RBFOX1: variants seen among roughly 807,000 people sequenced by gnomAD.
The protein encoded by RBFOX1 is RNA binding fox-1 homolog 1.
RBFOX1 carries 8 observed loss-of-function variants against 57.7 expected under a neutral mutation model. That is an observed-to-expected ratio of 0.14 (90% CI 0.08 to 0.25). The LOEUF is 0.25. Among genes scored for constraint, RBFOX1 ranks in the 10% least tolerant of loss-of-function variants. The probability of loss-of-function intolerance (pLI) is 1.00; values close to 1 mark genes in which losing one functional copy is unlikely to be tolerated. For synonymous variants in RBFOX1, 326 were observed against 222.4 expected, an observed-to-expected ratio of 1.47 and a Z score of -4.15; for missense variants, 611 against 548.5, an observed-to-expected ratio of 1.11 and a Z score of -1.14.
At chr16:6,519,376 C>T (rs1299300482) in intron 2 of RBFOX1, among the ~76,000 whole-genome samples, 3 of 152,154 alleles carry the variant, frequency 2.0e-5, no homozygotes, top group South Asian at 2.1e-4. Flanking sequence ...TAGCCCTCCA[C>T]CTTGGGAAAA....
At chr16:5,810,584 C>T (rs2055386740) in intron 3 of RBFOX1, among the ~76,000 whole-genome samples, 1 of 152,180 alleles carries the variant, frequency 6.6e-6, no homozygotes, top group Non-Finnish European at 1.5e-5. Flanking sequence ...ATCATCACCT[C>T]CGTAATTTGA....
chr16:6,541,019 C>G (rs528424556), intron 2 of RBFOX1, among the ~76,000 whole-genome samples: 2 of 152,230 alleles, frequency 1.3e-5, no homozygotes, highest in African/African-American at 2.4e-5. Context: ...ATGAGTGAAT[C>G]AAGTTCTTAT....
In RBFOX1 at chr16:6,995,670, G is replaced by A. The variant is rs567304180; in HGVS notation, c.-15-56387G>A. 2.6e-5 allele frequency among the ~76,000 whole-genome samples: 4 copies of A among 152,210 alleles called. No individual in the cohort carries two copies. The East Asian group carries it at 5.8e-4, about 22-fold the overall frequency. ...AGCTACTCAGAAGGCTGAGGCAGGA[G>A]AATCACTTGAACCTGGGAGCACAGA... On this transcript the variant is annotated intron_variant, in intron 3 of 15. Transcript: ENST00000550418.
At chr16:6,837,534 A>G (rs957009944) in intron 3 of RBFOX1, among the ~76,000 whole-genome samples, 11 of 152,214 alleles carry the variant, frequency 7.2e-5, no homozygotes, top group African/African-American at 1.9e-4. Context: ...TGGGAAGACT[A>G]TAATAAAAAT....
intron 1 of RBFOX1, among the ~76,000 whole-genome samples, chr16:5,403,999 G>T (rs1417073885): frequency 6.6e-6 from 1 of 150,392 alleles, no homozygotes; most frequent in Non-Finnish European, 1.5e-5. Flanking sequence ...GTGGGGCTGG[G>T]CATGGGGTGG....
At chr16:7,058,014 A>AAAAAC (rs1555829806) in intron 4 of RBFOX1, among the ~76,000 whole-genome samples, 5 of 151,420 alleles carry the variant, frequency 3.3e-5, no homozygotes, top group Admixed American at 6.6e-5. Context: ...GGGAAAAAAA[A>AAAAAC]AAAAAAAACA....
intron 3 of RBFOX1, among the ~76,000 whole-genome samples, chr16:6,944,144 C>G (rs868295485): frequency 2.6e-5 from 4 of 151,824 alleles, no homozygotes; most frequent in African/African-American, 7.3e-5. Flanking sequence ...TGCCTGTAAT[C>G]CCAGCATTTT....
chr16:7,569,358 G>GT (rs1187187458), intron 5 of RBFOX1, among the ~76,000 whole-genome samples: 1 of 152,054 alleles, frequency 6.6e-6, no homozygotes, highest in Non-Finnish European at 1.5e-5. Context: ...GCCTTTCCTG[G>GT]CCCCTGAAGG....
intron 3 of RBFOX1, among the ~76,000 whole-genome samples, chr16:6,955,335 CT>C (rs1213384263): frequency 7.3e-6 from 1 of 137,164 alleles, no homozygotes; most frequent in Non-Finnish European, 1.5e-5. Flanking sequence ...ACCTTTAAGC[CT>C]TCCCCACATA....
intron 14 of RBFOX1, among the ~76,000 whole-genome samples, chr16:7,697,295 G>A (rs2079099452): frequency 6.6e-6 from 1 of 152,174 alleles, no homozygotes; most frequent in African/African-American, 2.4e-5. Context: ...CAGATTAGAA[G>A]TGTACAAGCT....
At chr16:5,979,868 G>A (rs2060137874) in intron 4 of RBFOX1, among the ~76,000 whole-genome samples, 1 of 152,120 alleles carries the variant, frequency 6.6e-6, no homozygotes, top group African/African-American at 2.4e-5. Flanking sequence ...CTCAAAGAAA[G>A]AAAGAAATTA....
intron 1 of RBFOX1, among the ~76,000 whole-genome samples, chr16:5,311,076 G>C (rs1268532922): frequency 6.6e-6 from 1 of 152,150 alleles, no homozygotes; most frequent in African/African-American, 2.4e-5. Flanking sequence ...CCACTTGTAA[G>C]TGAGAACATG....
At chr16:7,118,848 G>A (rs1046775722) in intron 4 of RBFOX1, among the ~76,000 whole-genome samples, 5 of 152,144 alleles carry the variant, frequency 3.3e-5, no homozygotes, top group African/African-American at 1.2e-4. Flanking sequence ...GAGAATGGAA[G>A]CATATACCAA....
intron 3 of RBFOX1, among the ~76,000 whole-genome samples, chr16:5,805,465 T>C (rs1207852880): frequency 6.6e-6 from 1 of 152,236 alleles, no homozygotes; most frequent in East Asian, 1.9e-4. Flanking sequence ...TTTAGAATTG[T>C]ATTTCAGGGT....
At chr16:7,567,177 C>CTATATATATATATCCATATATATATCCA (rs777597423) in intron 5 of RBFOX1, among the ~76,000 whole-genome samples, 1 of 116,550 alleles carries the variant, frequency 8.6e-6, no homozygotes, top group African/African-American at 2.7e-5. Context: ...ATATATATCC[C>CTATATATATATATCCATATATATATCCA]TATATAAATA....
At chr16:6,691,130 C>A (rs902335740) in intron 3 of RBFOX1, among the ~76,000 whole-genome samples, 4 of 152,094 alleles carry the variant, frequency 2.6e-5, no homozygotes, top group African/African-American at 7.2e-5. Context: ...ATTACAGAGT[C>A]CTGGAAAGAA....
intron 4 of RBFOX1, among the ~76,000 whole-genome samples, chr16:7,107,868 C>G (rs574474348): frequency 1.3e-5 from 2 of 152,122 alleles, no homozygotes; most frequent in African/African-American, 2.4e-5. Context: ...TACCCGTGGT[C>G]TAAAACCTGT....
chr16:7,318,065 C>G (rs1367618480), intron 4 of RBFOX1, among the ~76,000 whole-genome samples: 1 of 148,948 alleles, frequency 6.7e-6, no homozygotes, highest in Non-Finnish European at 1.5e-5. Context: ...TGAATGGTGA[C>G]GGTGGTAGTA....
At chr16:6,915,454 C>A (rs28559978) in intron 3 of RBFOX1, among the ~76,000 whole-genome samples, 3,380 of 152,072 alleles carry the variant, frequency 0.022, 121 homozygotes, top group African/African-American at 0.076. Context: ...GATAACTTTT[C>A]AAAAATTATT....
Sources: allele counts gnomAD v4.1 joint callset (sites outside exome capture counted in the v4.1 genomes callset), GRCh38; gene constraint gnomAD v4.1.1; transcripts MANE v1.5; gene names NCBI Gene and HGNC (gene_info 2026-07-23, HGNC 2026-07-21).